The following MEI4 variants were observed in gnomAD, a reference collection of about 807,000 sequenced individuals.
The protein encoded by MEI4 is meiotic double-stranded break formation protein 4, also known as meiosis-specific protein MEI4.
A neutral mutation model predicts 31.4 loss-of-function variants in MEI4; 27 were observed. The ratio of observed to expected loss-of-function variants is 0.86; its 90% CI spans 0.63 to 1.19. The LOEUF (loss-of-function observed/expected upper bound fraction) is 1.19. Ranked by LOEUF, MEI4 falls within the 50% of genes most tolerant of loss-of-function variation. MEI4 has a pLI of 0.00. For missense variants in MEI4, 329 were observed against 398.9 expected (o/e 0.82, Z 1.49); for synonymous variants, 122 against 145.4 (o/e 0.84, Z 1.16).
chr6:77,734,307 G>C (rs151102087), intron 2 of MEI4, among the ~76,000 whole-genome samples: 1 of 151,982 alleles, frequency 6.6e-6, no homozygotes, highest in Admixed American at 6.5e-5. Context: ...GAATCTGGGT[G>C]CTCCTGTATT....
chr6:77,746,027 C>T (rs1767591856), intron 2 of MEI4, among the ~76,000 whole-genome samples: 2 of 151,840 alleles, frequency 1.3e-5, no homozygotes, highest in African/African-American at 4.8e-5. Flanking sequence ...AGGAAAGATC[C>T]AAAATTGACA....
intron 2 of MEI4, among the ~76,000 whole-genome samples, chr6:77,733,262 T>A (rs1203145010): frequency 6.6e-6 from 1 of 152,030 alleles, no homozygotes; most frequent in Non-Finnish European, 1.5e-5. Context: ...GATCCTGGAC[T>A]CTTTTTGGTT....
At chr6:77,757,378 A>G (rs895841940) in intron 2 of MEI4, among the ~76,000 whole-genome samples, 2 of 152,204 alleles carry the variant, frequency 1.3e-5, no homozygotes, top group African/African-American at 4.8e-5. Flanking sequence ...CCATATTAGC[A>G]TTTCTAACAT....
At chr6:77,789,733 A>G (rs903657355) in intron 3 of MEI4, among the ~76,000 whole-genome samples, 2 of 152,186 alleles carry the variant, frequency 1.3e-5, no homozygotes, top group African/African-American at 4.8e-5. Flanking sequence ...TAGGATGGCA[A>G]TCATTAAAAA....
chr6:77,796,244 A>G (rs549657716), intron 3 of MEI4, among the ~76,000 whole-genome samples: 1 of 152,310 alleles, frequency 6.6e-6, no homozygotes, highest in South Asian at 2.1e-4. Flanking sequence ...AAGACCATGT[A>G]TGATAAATCC....
At chr6:77,655,685 G>A (rs956300061) in intron 1 of MEI4, among the ~76,000 whole-genome samples, 1 of 152,038 alleles carries the variant, frequency 6.6e-6, no homozygotes, top group Admixed American at 6.6e-5. Context: ...CGAAAGTACA[G>A]GAATCATTCT....
intron 4 of MEI4, among the ~76,000 whole-genome samples, chr6:77,907,288 T>C (rs1398582664): frequency 6.6e-6 from 1 of 152,028 alleles, no homozygotes; most frequent in East Asian, 1.9e-4. Flanking sequence ...CCCTTCCCCC[T>C]CCCCGCACTC....
chr6:77,742,465 G>T (rs1459771557), intron 2 of MEI4, among the ~76,000 whole-genome samples: 7 of 152,242 alleles, frequency 4.6e-5, no homozygotes, highest in South Asian at 2.1e-4. Context: ...TTTTGATGGG[G>T]TTGTTTGTTT....
At chr6:77,697,158 T>C (rs1159534386) in intron 2 of MEI4, among the ~76,000 whole-genome samples, 6 of 152,202 alleles carry the variant, frequency 3.9e-5, no homozygotes, top group African/African-American at 1.4e-4. Flanking sequence ...CTTCTCTCTT[T>C]TCTTCTTTAT....
Position 77,770,426 on chromosome 6 carries a change from T to G in MEI4, c.768+8761T>G, listed in dbSNP as rs140955375. On this transcript the variant is annotated intron_variant, in intron 3 of 4. Coordinates refer to ENST00000684080, the MANE Select transcript of MEI4 (RefSeq NM_001322247.2). ...CATGGACAGGAAAAAATATTTAAAT[T>G]TCTATACTGCCCAAAGCAGTTTATA... Among the ~76,000 whole-genome samples the G allele has an allele frequency of 1.2e-4, 19 of 152,148 alleles. No individual in the cohort carries two copies. In the East Asian group the frequency reaches 3.7e-3, roughly 30 times the overall value.
intron 4 of MEI4, among the ~76,000 whole-genome samples, chr6:77,874,634 A>G (rs1771284987): frequency 6.6e-6 from 1 of 152,122 alleles, no homozygotes; most frequent in South Asian, 2.1e-4. Context: ...CAGAACTTCC[A>G]ACACTATGTT....
chr6:77,690,204 G>A (rs1769133263), intron 1 of MEI4, among the ~76,000 whole-genome samples: 2 of 151,956 alleles, frequency 1.3e-5, no homozygotes, highest in South Asian at 4.1e-4. Context: ...TTGGAGGAAA[G>A]GAAGGACTTA....
intron 2 of MEI4, among the ~76,000 whole-genome samples, chr6:77,735,273 A>G (rs998046230): frequency 2.6e-5 from 4 of 151,880 alleles, no homozygotes; most frequent in Admixed American, 2.0e-4. Context: ...AGGTACACCA[A>G]TCAGACGTAG....
chr6:77,794,037 A>T (rs75311440), intron 3 of MEI4, among the ~76,000 whole-genome samples: 1 of 152,206 alleles, frequency 6.6e-6, no homozygotes, highest in African/African-American at 2.4e-5. Flanking sequence ...AGATTCTACC[A>T]CATGGCTGCC....
At chr6:77,777,720 T>A (rs1768489336) in intron 3 of MEI4, among the ~76,000 whole-genome samples, 1 of 152,038 alleles carries the variant, frequency 6.6e-6, no homozygotes. Context: ...AAGGAAATAA[T>A]CTAATGACAA....
At chr6:77,732,331 A>G (rs1034718218) in intron 2 of MEI4, among the ~76,000 whole-genome samples, 7 of 152,016 alleles carry the variant, frequency 4.6e-5, no homozygotes, top group Non-Finnish European at 7.3e-5. Context: ...TTCTCCTTGA[A>G]AAGGTCCTTC....
intron 2 of MEI4, among the ~76,000 whole-genome samples, chr6:77,745,504 C>G (rs1423790992): frequency 6.6e-6 from 1 of 152,140 alleles, no homozygotes; most frequent in Non-Finnish European, 1.5e-5. Context: ...GACTTAGACT[C>G]CCACACATTA....
intron 4 of MEI4, among the ~76,000 whole-genome samples, chr6:77,917,620 T>TTGTG (rs1251741335): frequency 2.1e-5 from 1 of 46,608 alleles, no homozygotes; most frequent in Non-Finnish European, 3.5e-5. Context: ...ATGGGGTTGT[T>TTGTG]TTTTTCTTGT....
chr6:77,919,975 A>C (rs1193552174), intron 4 of MEI4, among the ~76,000 whole-genome samples: 1 of 148,042 alleles, frequency 6.8e-6, no homozygotes, highest in African/African-American at 2.5e-5. Flanking sequence ...TGAATAGACC[A>C]ATAACAGGAG....
Sources: gnomAD v4.1 joint callset for allele counts (sites outside exome capture counted in the v4.1 genomes callset) on GRCh38, gnomAD v4.1.1 for gene constraint, MANE v1.5 for transcripts, NCBI Gene and HGNC (gene_info 2026-07-23, HGNC 2026-07-21) for gene names.